The following LSAMP variants were observed in gnomAD, a reference collection of about 807,000 sequenced individuals.
LSAMP encodes limbic system-associated membrane protein.
A neutral mutation model predicts 38.6 loss-of-function variants in LSAMP; 7 were observed. That is an observed-to-expected ratio of 0.18 (90% CI 0.10 to 0.34). The LOEUF (loss-of-function observed/expected upper bound fraction) is 0.34, where lower values mean the gene tolerates loss of function less well. Among genes scored for constraint, LSAMP ranks in the 10% least tolerant of loss-of-function variants. The probability of loss-of-function intolerance (pLI) is 1.00; values close to 1 mark genes in which losing one functional copy is unlikely to be tolerated. For missense variants in LSAMP, 313 were observed against 420.0 expected (o/e 0.75, Z 2.23); for synonymous variants, 154 against 166.8 (o/e 0.92, Z 0.59).
At chr3:116,254,875 A>G (rs1219814698) in intron 1 of LSAMP, among the ~76,000 whole-genome samples, 3 of 151,990 alleles carry the variant, frequency 2.0e-5, no homozygotes, top group Admixed American at 6.6e-5. Flanking sequence ...ATGTTGTGCA[A>G]TCTCTCAGAA....
Position 116,286,891 on chromosome 3 carries a change from T to G in LSAMP, c.155+157986A>C, listed in dbSNP as rs35531086. Reference sequence around the variant, plus strand: ...ATACCATGTGTATTATCTCTCAAGTTAAAAAAAAAAAAAAAAGGTAACTAG... The same window carrying G: ...ATACCATGTGTATTATCTCTCAAGTGAAAAAAAAAAAAAAAAGGTAACTAG... On this transcript the variant is annotated intron_variant, in intron 1 of 6. Transcript: ENST00000490035. Among the ~76,000 whole-genome samples the G allele has an allele frequency of 6.0e-5, 8 of 133,802 alleles. No homozygotes were observed. The South Asian group carries it at 1.9e-3, about 32-fold the overall frequency. 87.8% of individuals were successfully genotyped at this position (133,802 alleles called of 152,430 possible). A position where few individuals can be genotyped will look rare whatever the true frequency, so the allele number is the denominator to read the frequency against.
intron 3 of LSAMP, among the ~76,000 whole-genome samples, chr3:115,920,902 T>TA (rs1559881668): frequency 1.3e-4 from 19 of 151,622 alleles, no homozygotes; most frequent in African/African-American, 4.4e-4. Flanking sequence ...ATATATATAT[T>TA]AATTGTTATA....
At chr3:116,191,195 C>T (rs1710746360) in intron 1 of LSAMP, among the ~76,000 whole-genome samples, 1 of 152,128 alleles carries the variant, frequency 6.6e-6, no homozygotes, top group African/African-American at 2.4e-5. Flanking sequence ...TGCACTTCAG[C>T]CTGGGCAATA....
intron 3 of LSAMP, among the ~76,000 whole-genome samples, chr3:115,944,862 G>A (rs187335505): frequency 1.3e-5 from 2 of 152,256 alleles, no homozygotes; most frequent in African/African-American, 4.8e-5. Flanking sequence ...GGGCATCCAT[G>A]TTCCCTCTCA....
intron 1 of LSAMP, among the ~76,000 whole-genome samples, chr3:116,411,504 T>C (rs1292352187): frequency 2.0e-5 from 3 of 151,190 alleles, no homozygotes; most frequent in Non-Finnish European, 2.9e-5. Context: ...GAAATCATCA[T>C]TCTCAGTAAA....
chr3:115,985,730 T>C (rs1252554358), intron 3 of LSAMP, among the ~76,000 whole-genome samples: 1 of 152,152 alleles, frequency 6.6e-6, no homozygotes, highest in East Asian at 1.9e-4. Context: ...CTACTGGAAG[T>C]CCCACATGGT....
chr3:115,877,910 G>A (rs1936225380), intron 3 of LSAMP, among the ~76,000 whole-genome samples: 1 of 152,062 alleles, frequency 6.6e-6, no homozygotes, highest in Non-Finnish European at 1.5e-5. Flanking sequence ...TGAAGAGACA[G>A]CTAAGCAAGC....
intron 1 of LSAMP, among the ~76,000 whole-genome samples, chr3:116,367,788 C>G (rs879367839): frequency 1.3e-5 from 2 of 151,956 alleles, no homozygotes; most frequent in Non-Finnish European, 2.9e-5. Context: ...GGATTACAGG[C>G]TAGAGCCACC....
intron 2 of LSAMP, among the ~76,000 whole-genome samples, chr3:116,036,411 G>A (rs1194046702): frequency 6.6e-6 from 1 of 152,188 alleles, no homozygotes; most frequent in Non-Finnish European, 1.5e-5. Flanking sequence ...CCTTGTAAGA[G>A]ATATAGGCCT....
chr3:116,031,762 C>T (rs566919963), intron 2 of LSAMP, among the ~76,000 whole-genome samples: 2 of 151,630 alleles, frequency 1.3e-5, no homozygotes, highest in South Asian at 4.2e-4. Flanking sequence ...ATATGATTCA[C>T]AGGAGGTTTT....
intron 1 of LSAMP, among the ~76,000 whole-genome samples, chr3:116,213,397 A>C (rs1345282704): frequency 6.6e-6 from 1 of 152,198 alleles, no homozygotes; most frequent in Non-Finnish European, 1.5e-5. Flanking sequence ...GCTGCTATCC[A>C]TGTAAGATAT....
At chr3:115,998,947 A>G (rs1289503543) in intron 3 of LSAMP, among the ~76,000 whole-genome samples, 1 of 152,124 alleles carries the variant, frequency 6.6e-6, no homozygotes, top group Non-Finnish European at 1.5e-5. Context: ...CAAAAAATAA[A>G]AGATTGAAAT....
intron 1 of LSAMP, among the ~76,000 whole-genome samples, chr3:116,231,457 ATTTT>A (rs2046401964): frequency 6.6e-6 from 1 of 152,210 alleles, no homozygotes. Context: ...AGGGATCTAA[ATTTT>A]ATAAAGGAGC....
At chr3:116,410,899 A>T (rs768009692) in intron 1 of LSAMP, among the ~76,000 whole-genome samples, 5 of 152,126 alleles carry the variant, frequency 3.3e-5, no homozygotes, top group Non-Finnish European at 7.4e-5. Flanking sequence ...CGGAGGGGTC[A>T]GCCTCTCCTA....
At chr3:116,005,647 G>A (rs923234286) in intron 3 of LSAMP, among the ~76,000 whole-genome samples, 2 of 152,278 alleles carry the variant, frequency 1.3e-5, no homozygotes, top group East Asian at 3.9e-4. Flanking sequence ...ATCGTTCCTG[G>A]GGGAATTATC....
intron 1 of LSAMP, among the ~76,000 whole-genome samples, chr3:116,352,504 C>T (rs555274219): frequency 6.6e-6 from 1 of 152,020 alleles, no homozygotes; most frequent in Non-Finnish European, 1.5e-5. Context: ...ATACTGTCAG[C>T]TAGGGAGAAA....
intron 3 of LSAMP, among the ~76,000 whole-genome samples, chr3:115,976,398 A>T (rs1246050845): frequency 6.6e-6 from 1 of 152,228 alleles, no homozygotes; most frequent in Non-Finnish European, 1.5e-5. Context: ...ATTTTTGGAG[A>T]CATAATATAT....
chr3:115,938,515 C>T (rs574876585), intron 3 of LSAMP, among the ~76,000 whole-genome samples: 3 of 152,154 alleles, frequency 2.0e-5, no homozygotes, highest in East Asian at 3.9e-4. Context: ...AAATTGTAAA[C>T]TATGTTTACG....
chr3:116,039,996 G>T lies in LSAMP; in HGVS notation c.389-20356C>A, dbSNP rs528594225. Among the ~76,000 whole-genome samples, 18 of 148,930 alleles carry T rather than the reference G, an allele frequency of 1.2e-4. No individual in the cohort carries two copies. In the South Asian group the frequency reaches 1.2e-3, roughly 10 times the overall value. ...CAGCTCTTTACTCTGCCTCTCTTTGGGGGGGGAAAAAAACTGGTCCCCTTT... is the reference window on the plus strand; with the variant it reads ...CAGCTCTTTACTCTGCCTCTCTTTGTGGGGGGAAAAAAACTGGTCCCCTTT... On this transcript the variant is annotated intron_variant, in intron 2 of 6. Coordinates refer to ENST00000490035, the MANE Select transcript of LSAMP (RefSeq NM_002338.5).
Sources: gnomAD v4.1 joint callset for allele counts (sites outside exome capture counted in the v4.1 genomes callset) on GRCh38, gnomAD v4.1.1 for gene constraint, MANE v1.5 for transcripts, NCBI Gene and HGNC (gene_info 2026-07-23, HGNC 2026-07-21) for gene names.